The following AHR variants were observed in gnomAD, a reference collection of about 807,000 sequenced individuals.
AHR encodes AH-receptor.
In AHR, 40 loss-of-function variants were observed where a neutral mutation model predicts 86.8. That is an observed-to-expected ratio of 0.46 (90% CI 0.36 to 0.60). AHR has a LOEUF of 0.60. Ranked by LOEUF, AHR falls within the 20% of genes least tolerant of loss-of-function variation. The pLI is 0.00. For synonymous variants in AHR, 398 were observed against 354.9 expected, an observed-to-expected ratio of 1.12 and a Z score of -1.37; for missense variants, 1,001 against 1,011.6, an observed-to-expected ratio of 0.99 and a Z score of 0.14.
intron 2 of AHR, among the ~76,000 whole-genome samples, chr7:17,319,323 A>G (rs893130419): frequency 6.6e-6 from 1 of 152,068 alleles, no homozygotes; most frequent in Non-Finnish European, 1.5e-5. Flanking sequence ...AAGAGGTAGC[A>G]TTGTCCTCAT....
intron 1 of AHR, among the ~76,000 whole-genome samples, chr7:17,299,584 C>T (rs142516596): frequency 2.0e-5 from 3 of 152,368 alleles, no homozygotes; most frequent in African/African-American, 7.2e-5. Flanking sequence ...CACCCTCTCA[C>T]ATTTGCAACT....
In AHR at chr7:17,333,918, A is replaced by G; in HGVS notation, c.712A>G (p.Asn238Asp). 6.2e-7 allele frequency: 1 copy of G among 1,612,424 alleles called. No individual in the cohort carries two copies. ...LDNSSGFLAM[N>D]FQGKLKYLHG... The stretch of plus-strand genomic sequence containing the variant: ...TTGTTGTTGCTTTTTTAAGGCAATG[A>G]ATTTCCAAGGGAAGTTAAAGTATCT... The change falls in exon 7 of 11, where the codon AAT becomes GAT. Residue 238 changes from asparagine (N) to aspartate (D), a missense_variant. By Grantham distance (23) the Asn-to-Asp change is conservative (BLOSUM62 1). Coordinates refer to ENST00000242057, the MANE Select transcript of AHR (RefSeq NM_001621.5).
intron 10 of AHR, 115 bp downstream of exon 10, chr7:17,340,343 G>GACAGC (rs2115370628): frequency 7.4e-7 from 1 of 1,348,926 alleles, no homozygotes; most frequent in Admixed American, 3.1e-5. Context: ...CATTCATGGA[G>GACAGC]ACAGCATTTT....
chr7:17,322,268 T>A (rs531375738), intron 2 of AHR, among the ~76,000 whole-genome samples: 1 of 152,124 alleles, frequency 6.6e-6, no homozygotes, highest in African/African-American at 2.4e-5. Flanking sequence ...ATCTGTCAGC[T>A]GACAACTTGA....
At chr7:17,334,761 T>G (rs892723975) in intron 7 of AHR, 126 bp from the exon 8 acceptor site, 12 of 631,818 alleles carry the variant, frequency 1.9e-5, no homozygotes, top group Non-Finnish European at 2.9e-5. Flanking sequence ...TCTACTTATG[T>G]GAAATTCTAA....
Position 17,342,964 on chromosome 7 carries a change from A to G in AHR, c.2447A>G (p.Asn816Ser). Residue 816 changes from asparagine to serine, a missense_variant, in exon 11 of 11, where the codon AAT (asparagine) becomes AGT (serine). Coordinates refer to ENST00000242057, the MANE Select transcript of AHR (RefSeq NM_001621.5). The stretch of plus-strand genomic sequence containing the variant: ...AATGAAACATATCCAGCTGAATTAA[A>G]TAACATAAATAACACTCAGACTACC... ...VLNETYPAEL[N>S]NINNTQTTTH... 1 of 1,613,478 alleles carries G rather than the reference A, an allele frequency of 6.2e-7. No individual in the cohort carries two copies. The highest frequency in any genetic ancestry group is 8.5e-7 in the Non-Finnish European group (1 of 1,179,472).
chr7:17,345,366 G>A lies in AHR; in HGVS notation c.*2302G>A, dbSNP rs1423015076. 6.6e-6 allele frequency: 1 copy of A among 152,078 alleles called. No homozygotes were observed. The allele number at this position is 152,078 out of a possible 1,614,324, so 9.4% of individuals were successfully genotyped here. On this transcript the variant is annotated 3_prime_UTR_variant, in exon 11 of 11. Coordinates refer to ENST00000242057, the MANE Select transcript of AHR (RefSeq NM_001621.5). The stretch of plus-strand genomic sequence containing the variant: ...CTTTTACTTTTTTTAGTAAGTTAAT[G>A]TATATAAAAATGGCTTCGGACAAAA...
intron 10 of AHR, among the ~76,000 whole-genome samples, chr7:17,340,488 T>G (rs1306758769): frequency 6.6e-6 from 1 of 152,102 alleles, no homozygotes; most frequent in Non-Finnish European, 1.5e-5. Context: ...GTCCTTAATA[T>G]AAGATGACCT....
At chr7:17,322,395 G>A in intron 2 of AHR, 106 bp from the exon 3 acceptor site, 1 of 691,518 alleles carries the variant, frequency 1.4e-6, no homozygotes, top group Non-Finnish European at 2.5e-6. Flanking sequence ...AATACCAGTG[G>A]ATGCCAGTAT....
chr7:17,338,867 T>C (rs1782384486), intron 9 of AHR, 119 bp from the exon 10 acceptor site: 4 of 987,824 alleles, frequency 4.0e-6, no homozygotes, highest in Non-Finnish European at 4.2e-6. Context: ...AAATAAAATA[T>C]GTCCCTTTCT....
chr7:17,336,964 A>C (rs991050542), intron 9 of AHR, among the ~76,000 whole-genome samples: 1 of 151,890 alleles, frequency 6.6e-6, no homozygotes, highest in Non-Finnish European at 1.5e-5. Flanking sequence ...ATTTTTTGCA[A>C]CTTTTAAAAA....
In AHR at chr7:17,330,040, C is replaced by T; in HGVS notation, c.539C>T (p.Pro180Leu). The T allele has an allele frequency of 6.2e-7, 1 of 1,611,186 alleles. No homozygotes were observed. Among genetic ancestry groups the T allele is most frequent in the Non-Finnish European group, 8.5e-7 (1 of 1,177,910 alleles). The change falls in exon 5 of 11, where the codon CCT becomes CTT. Residue 180 changes from proline (P) to leucine (L), a missense_variant. Coordinates refer to ENST00000242057, the MANE Select transcript of AHR (RefSeq NM_001621.5). The stretch of plus-strand genomic sequence containing the variant: ...CGTCAGCTACACTGGGCATTAAATC[C>T]TTCTCAGTGTACAGAGTCTGGACAA... ...FQRQLHWALN[P>L]SQCTESGQGI...
At position 17,310,180 on chromosome 7, in the gene AHR, A is replaced by G. The variant is rs528975376; in HGVS notation, c.253+57A>G. 7.1e-5 allele frequency: 103 copies of G among 1,451,570 alleles called. 1 individual carries two copies. The South Asian group carries it at 1.4e-3, about 19-fold the overall frequency. The allele number at this position is 1,451,570 out of a possible 1,614,324, so 89.9% of individuals were successfully genotyped here. On this transcript the variant is annotated intron_variant, in intron 2 of 10. Coordinates refer to ENST00000242057, the MANE Select transcript of AHR (RefSeq NM_001621.5). ...AACGTATAAAAAATACTTGTACTAGATATAGCTGTTTCTGTGTTAATAACT... is the reference window on the plus strand; with the variant it reads ...AACGTATAAAAAATACTTGTACTAGGTATAGCTGTTTCTGTGTTAATAACT...
chr7:17,306,430 ATTG>A (rs1782006546), intron 1 of AHR, among the ~76,000 whole-genome samples: 2 of 152,298 alleles, frequency 1.3e-5, no homozygotes, highest in South Asian at 4.1e-4. Context: ...GTACATCTGA[ATTG>A]TTAAGTTCTG....
At chr7:17,338,173 T>A (rs1782375571) in intron 9 of AHR, among the ~76,000 whole-genome samples, 1 of 145,682 alleles carries the variant, frequency 6.9e-6, no homozygotes, top group Non-Finnish European at 1.5e-5. Context: ...CACTCCAGCC[T>A]GGGCGACAGA....
At chr7:17,319,132 G>T (rs1315214269) in intron 2 of AHR, among the ~76,000 whole-genome samples, 1 of 152,068 alleles carries the variant, frequency 6.6e-6, no homozygotes, top group Non-Finnish European at 1.5e-5. Context: ...TCCACTTAAA[G>T]ATGATAAAAA....
chr7:17,326,281 T>C (rs989956706), intron 3 of AHR, among the ~76,000 whole-genome samples: 4 of 152,204 alleles, frequency 2.6e-5, no homozygotes, highest in Non-Finnish European at 5.9e-5. Flanking sequence ...AAGTATAATA[T>C]AGATCAAGAA....
rs552343929 is a variant in AHR, at chr7:17,343,909, TTTC to T, written c.*848_*850del. 20 of 152,698 alleles carry T rather than the reference TTTC, an allele frequency of 1.3e-4. No individual in the cohort carries two copies. In the South Asian group the frequency reaches 3.9e-3, roughly 30 times the overall value. 9.5% of individuals were successfully genotyped at this position (152,698 alleles called of 1,614,324 possible). A position where few individuals can be genotyped will look rare whatever the true frequency, so the allele number is the denominator to read the frequency against. On this transcript the variant is annotated 3_prime_UTR_variant, in exon 11 of 11. Transcript: ENST00000242057. ...AAAAGTAAAATGTCTTTCCAAATTA[TTTC>T]TTAATTATTATAAAAATATTAAGAC...
At chr7:17,340,829 A>C (rs1431266954) in intron 10 of AHR, among the ~76,000 whole-genome samples, 2 of 152,120 alleles carry the variant, frequency 1.3e-5, no homozygotes, top group Non-Finnish European at 2.9e-5. Context: ...TTAAGGTAGA[A>C]TGGCTTTCTT....
Sources: gnomAD v4.1 joint callset for allele counts (sites outside exome capture counted in the v4.1 genomes callset) on GRCh38, gnomAD v4.1.1 for gene constraint, MANE v1.5 for transcripts, NCBI Gene and HGNC (gene_info 2026-07-23, HGNC 2026-07-21) for gene names.